Variants in APOL3 observed in about 807,000 individuals in gnomAD.
APOL3 encodes the protein TNF-inducible protein CG12-1.
A neutral mutation model predicts 11.6 loss-of-function variants in APOL3; 14 were observed. The observed-to-expected ratio is 1.21, with a 90% CI of 0.80 to 1.89. APOL3 has a LOEUF of 1.89. APOL3 is among the 40% of genes most tolerant of loss of function. The pLI is 0.00. For synonymous variants in APOL3, 192 were observed against 190.6 expected (o/e 1.01, Z -0.06); for missense variants, 483 against 492.1 (o/e 0.98, Z 0.17).
intron 1 of APOL3, among the ~76,000 whole-genome samples, chr22:36,148,811 G>A (rs1270398810): frequency 2.0e-5 from 3 of 152,208 alleles, no homozygotes. Context: ...AGGTGCCAGG[G>A]CAGGGAGGAA....
chr22:36,160,797 C>A (rs142603775), exon 1 of APOL3: 27 of 1,613,844 alleles, frequency 1.7e-5, no homozygotes, highest in African/African-American at 4.0e-5. Flanking sequence ...ACCCTGGAAC[C>A]CAAAAGGGAA....
At chr22:36,141,088 C>G in exon 3 of APOL3, 1 of 1,481,090 alleles carries the variant, frequency 6.8e-7, no homozygotes. Flanking sequence ...AAGTCACTAA[C>G]ACTCAGCTCC....
chr22:36,164,318 C>G (rs559217976), upstream of APOL3, among the ~76,000 whole-genome samples: 29 of 152,310 alleles, frequency 1.9e-4, no homozygotes, highest in African/African-American at 7.0e-4. Context: ...TGTTAACCGA[C>G]CAGAATAAGC....
intron 2 of APOL3, among the ~76,000 whole-genome samples, 197 bp from the exon 4 acceptor site, chr22:36,142,255 G>A (rs2060025283): frequency 2.0e-5 from 3 of 152,146 alleles, no homozygotes; most frequent in Admixed American, 2.0e-4. Flanking sequence ...ATATGCCACA[G>A]TACTTATTCT....
At chr22:36,158,966 C>CGTGTGT (rs35041494) in intron 1 of APOL3, among the ~76,000 whole-genome samples, 73 of 150,158 alleles carry the variant, frequency 4.9e-4, no homozygotes, top group African/African-American at 1.5e-3. Context: ...TGTGAGTGTG[C>CGTGTGT]GTGTGTGTGT....
chr22:36,143,067 G>A (rs903180008), intron 2 of APOL3, among the ~76,000 whole-genome samples: 3 of 152,186 alleles, frequency 2.0e-5, no homozygotes, highest in Non-Finnish European at 4.4e-5. Context: ...TCCTCACCCT[G>A]GTGTTGGCTG....
intron 1 of APOL3, 110 bp downstream of exon 1, chr22:36,160,559 G>T: frequency 1.7e-6 from 2 of 1,177,374 alleles, no homozygotes; most frequent in South Asian, 1.3e-5. Flanking sequence ...TGTGACCTCA[G>T]TCAGTTACCT....
intron 1 of APOL3, 55 bp from the exon 2 acceptor site, chr22:36,149,197 G>C (rs1415967437): frequency 7.5e-7 from 1 of 1,325,936 alleles, no homozygotes; most frequent in Non-Finnish European, 1.0e-6. Context: ...TGTGGACAGA[G>C]GGAGGTTGGA....
At chr22:36,161,758 G>A (rs1026054100), upstream of APOL3, among the ~76,000 whole-genome samples, 1 of 143,242 alleles carries the variant, frequency 7.0e-6, no homozygotes, top group East Asian at 1.9e-4. Context: ...GAGTATATTA[G>A]GAAGAAGGGG....
intron 1 of APOL3, 32 bp from the exon 3 acceptor site, chr22:36,145,631 GA>G (rs776164450): frequency 6.2e-7 from 1 of 1,610,652 alleles, no homozygotes; most frequent in Non-Finnish European, 8.5e-7. Flanking sequence ...AAGATTGGAA[GA>G]AAGTGTGCTA....
chr22:36,148,297 G>T (rs1394581742), intron 1 of APOL3, among the ~76,000 whole-genome samples: 1 of 152,234 alleles, frequency 6.6e-6, no homozygotes, highest in East Asian at 1.9e-4. Flanking sequence ...TGCAGGGCAG[G>T]CGCCCTGGGG....
chr22:36,141,582 T>C, exon 3 of APOL3: 1 of 1,614,156 alleles, frequency 6.2e-7, no homozygotes, highest in Non-Finnish European at 8.5e-7. Context: ...GGAAAGTAAG[T>C]TGGGTGTGAT....
At chr22:36,152,049 A>C (rs1026831330) in intron 1 of APOL3, among the ~76,000 whole-genome samples, 9 of 152,056 alleles carry the variant, frequency 5.9e-5, no homozygotes, top group Non-Finnish European at 1.3e-4. Flanking sequence ...AAGAGAGAAA[A>C]AGACGTGAAA....
At chr22:36,141,175 C>T (rs1361543083) in exon 3 of APOL3, 8 of 1,600,672 alleles carry the variant, frequency 5.0e-6, no homozygotes, top group Non-Finnish European at 6.8e-6. Flanking sequence ...GGCTCACCTC[C>T]CCTGCTGGCT....
chr22:36,145,104 G>A (rs6000153), intron 2 of APOL3, among the ~76,000 whole-genome samples: 6 of 151,620 alleles, frequency 4.0e-5, no homozygotes, highest in Non-Finnish European at 5.9e-5. Context: ...TAACATTAAC[G>A]GAGCACCTAC....
At chr22:36,143,826 T>G (rs966394662) in intron 2 of APOL3, among the ~76,000 whole-genome samples, 1 of 152,246 alleles carries the variant, frequency 6.6e-6, no homozygotes, top group African/African-American at 2.4e-5. Context: ...TGCAATTTCA[T>G]GGAACCTCTT....
chr22:36,161,414 C>G (rs139384696), upstream of APOL3: 301 of 175,266 alleles, frequency 1.7e-3, no homozygotes, highest in African/African-American at 6.5e-3. Context: ...GTTTCAAACT[C>G]TGGCCTCAAA....
At chr22:36,164,405 C>T (rs146258287), upstream of APOL3, among the ~76,000 whole-genome samples, 37 of 152,294 alleles carry the variant, frequency 2.4e-4, no homozygotes, top group African/African-American at 8.7e-4. Flanking sequence ...TTACAACCTC[C>T]GAGGACCTGT....
At chr22:36,160,966 C>T (rs956676574), upstream of APOL3, 65 of 1,321,204 alleles carry the variant, frequency 4.9e-5, no homozygotes, top group Admixed American at 6.0e-5. Flanking sequence ...TCTTGGCCAA[C>T]CCACCTGCCT....
Sources: gnomAD v4.1 joint callset for allele counts (sites outside exome capture counted in the v4.1 genomes callset) on GRCh38, gnomAD v4.1.1 for gene constraint, MANE v1.5 for transcripts, NCBI Gene and HGNC (gene_info 2026-07-23, HGNC 2026-07-21) for gene names.